The following SNX24 variants were observed in gnomAD, a reference collection of about 807,000 sequenced individuals.
SNX24 encodes the protein sorting nexin 24.
SNX24 carries 22 observed loss-of-function variants against 28.7 expected under a neutral mutation model. The ratio of observed to expected loss-of-function variants is 0.77; its 90% CI spans 0.55 to 1.10. The LOEUF is 1.10. Ranked by LOEUF, SNX24 falls within the 50% of genes least tolerant of loss-of-function variation. The probability of loss-of-function intolerance (pLI) is 0.00; values close to 1 mark genes in which losing one functional copy is unlikely to be tolerated. For synonymous variants in SNX24, 69 were observed against 71.5 expected (o/e 0.96, Z 0.18); for missense variants, 221 against 201.1 (o/e 1.10, Z -0.60).
At chr5:123,012,152 G>A (rs1050059902), downstream of SNX24, among the ~76,000 whole-genome samples, 2 of 152,114 alleles carry the variant, frequency 1.3e-5, no homozygotes, top group Middle Eastern at 3.2e-3. Context: ...GTTTCCTGAG[G>A]CCTCCCCAGA....
rs189993309 is a variant in SNX24, at chr5:122,937,091, A to G, written c.144+274A>G. Among the ~76,000 whole-genome samples, 125 of 152,334 alleles carry G rather than the reference A, an allele frequency of 8.2e-4. 1 individual carries two copies. The highest frequency in any genetic ancestry group is 1.7e-3 in the Non-Finnish European group (116 of 68,028). On this transcript the variant is annotated intron_variant, in intron 2 of 6. Transcript: ENST00000261369. ...ATGTTGCATTCGATGTTACAGGTTC[A>G]GAAAGAATAAAACCCAGACTCTGTT... is the stretch of plus-strand genomic sequence containing the variant.
chr5:122,869,666 A>T lies in SNX24; in HGVS notation c.60+23973A>T, dbSNP rs186899660. ...CTTATTTAAAATGTCAGAAATCTTG[A>T]TCTTTTTCATAAAAATTATTGGAAT... On this transcript the variant is annotated intron_variant, in intron 1 of 6. Transcript: ENST00000261369. Among the ~76,000 whole-genome samples the T allele has an allele frequency of 2.4e-3, 372 of 152,284 alleles. 1 individual carries two copies. The highest frequency in any genetic ancestry group is 8.5e-3 in the African/African-American group (355 of 41,560).
chr5:122,935,981 C>T (rs1403523007), intron 1 of SNX24, among the ~76,000 whole-genome samples: 2 of 152,106 alleles, frequency 1.3e-5, no homozygotes, highest in Non-Finnish European at 2.9e-5. Flanking sequence ...CCTCCCCATC[C>T]GACCTTAAAA....
At chr5:122,929,640 G>GTCCC (rs1428386152) in intron 1 of SNX24, among the ~76,000 whole-genome samples, 3 of 152,022 alleles carry the variant, frequency 2.0e-5, no homozygotes, top group East Asian at 3.9e-4. Context: ...AAAAATTTAA[G>GTCCC]TCCCTTTTTT....
intron 1 of SNX24, among the ~76,000 whole-genome samples, chr5:122,870,542 A>G (rs906185892): frequency 1.3e-5 from 2 of 152,246 alleles, no homozygotes; most frequent in African/African-American, 4.8e-5. Context: ...CCATGGCTGC[A>G]AAAGTAGTGA....
intron 3 of SNX24, among the ~76,000 whole-genome samples, chr5:122,990,251 C>T (rs1191309088): frequency 6.6e-6 from 1 of 152,104 alleles, no homozygotes; most frequent in African/African-American, 2.4e-5. Context: ...TTGAGGGTTC[C>T]TAAATTCATG....
At chr5:122,905,182 G>T (rs1054211726) in intron 1 of SNX24, among the ~76,000 whole-genome samples, 1 of 152,192 alleles carries the variant, frequency 6.6e-6, no homozygotes, top group Non-Finnish European at 1.5e-5. Flanking sequence ...GGTGTTGAGG[G>T]TAGGTAAGGA....
At chr5:122,957,317 G>A (rs191371030) in intron 3 of SNX24, among the ~76,000 whole-genome samples, 591 of 152,256 alleles carry the variant, frequency 3.9e-3, no homozygotes, top group Non-Finnish European at 6.2e-3. Flanking sequence ...TCAAAAAACC[G>A]TTGGACCATA....
At chr5:122,878,693 C>A (rs542990006) in intron 1 of SNX24, among the ~76,000 whole-genome samples, 1 of 152,176 alleles carries the variant, frequency 6.6e-6, no homozygotes, top group African/African-American at 2.4e-5. Context: ...TAATGCTCAC[C>A]GTTTGTGGTG....
chr5:122,952,593 T>G (rs1759998386), intron 3 of SNX24, among the ~76,000 whole-genome samples: 1 of 152,198 alleles, frequency 6.6e-6, no homozygotes, highest in African/African-American at 2.4e-5. Context: ...GATCTGATGA[T>G]AATCAGGCAT....
intron 1 of SNX24, among the ~76,000 whole-genome samples, chr5:122,894,973 G>T: frequency 7.8e-6 from 1 of 128,284 alleles, no homozygotes; most frequent in African/African-American, 3.1e-5. Flanking sequence ...CAAATGCTAA[G>T]TTTCAGTAAA....
chr5:122,845,924 C>A (rs1754607513), intron 1 of SNX24, among the ~76,000 whole-genome samples: 1 of 152,114 alleles, frequency 6.6e-6, no homozygotes, highest in Admixed American at 6.5e-5. Flanking sequence ...CCAACCCTCT[C>A]CTCCCGGACG....
chr5:122,845,736 C>G (rs973427066), intron 1 of SNX24, 43 bp downstream of exon 1: 1 of 1,212,014 alleles, frequency 8.3e-7, no homozygotes, highest in African/African-American at 1.6e-5. Flanking sequence ...CGAGCCAGGC[C>G]TGCGGCTGCT....
chr5:122,926,265 G>C (rs147280280), intron 1 of SNX24, among the ~76,000 whole-genome samples: 1 of 152,176 alleles, frequency 6.6e-6, no homozygotes, highest in Non-Finnish European at 1.5e-5. Context: ...TATAGTTGCC[G>C]GTGAGGAAGC....
chr5:122,845,774 C>T (rs564867737), intron 1 of SNX24, 81 bp downstream of exon 1: 9 of 837,408 alleles, frequency 1.1e-5, no homozygotes, highest in Middle Eastern at 3.3e-4. Context: ...TTGGCCGCCG[C>T]CGCCTTGGCG....
intron 5 of SNX24, among the ~76,000 whole-genome samples, chr5:123,016,343 G>A (rs1369223658): frequency 6.6e-6 from 1 of 152,166 alleles, no homozygotes; most frequent in Non-Finnish European, 1.5e-5. Context: ...ACAGGGAAGG[G>A]GAAGGGTGTT....
At chr5:123,023,664 A>G (rs1762798329) in intron 5 of SNX24, 2 of 597,338 alleles carry the variant, frequency 3.3e-6, no homozygotes, top group African/African-American at 3.8e-5. Context: ...GATATATTTA[A>G]GTTCAAAGTC....
intron 2 of SNX24, 80 bp from the exon 3 acceptor site, chr5:122,945,975 T>C: frequency 1.4e-6 from 1 of 704,212 alleles, no homozygotes; most frequent in Non-Finnish European, 2.3e-6. Flanking sequence ...ATTGGCCTTT[T>C]TTCCCCAAAT....
intron 3 of SNX24, among the ~76,000 whole-genome samples, chr5:122,958,074 G>A (rs576143049): frequency 6.6e-6 from 1 of 152,140 alleles, no homozygotes; most frequent in African/African-American, 2.4e-5. Context: ...AATAGAAATG[G>A]GGAAAACAGG....
Sources: gnomAD v4.1 joint callset for allele counts (sites outside exome capture counted in the v4.1 genomes callset) on GRCh38, gnomAD v4.1.1 for gene constraint, MANE v1.5 for transcripts, NCBI Gene and HGNC (gene_info 2026-07-23, HGNC 2026-07-21) for gene names.